The following ABCA5 variants were observed in gnomAD, a reference collection of about 807,000 sequenced individuals.
The protein encoded by ABCA5 is ATP binding cassette subfamily A member 5.
A neutral mutation model predicts 206.0 loss-of-function variants in ABCA5; 163 were observed. The ratio of observed to expected loss-of-function variants is 0.79; its 90% CI spans 0.70 to 0.90. The LOEUF (loss-of-function observed/expected upper bound fraction) is 0.90, where lower values mean the gene tolerates loss of function less well. Among genes scored for constraint, ABCA5 ranks in the 40% least tolerant of loss-of-function variants. The pLI, the probability that ABCA5 is intolerant of heterozygous loss-of-function variation, is 0.00. For synonymous variants in ABCA5, 609 were observed against 613.8 expected (o/e 0.99, Z 0.11); for missense variants, 1,859 against 1,912.9 (o/e 0.97, Z 0.53).
chr17:69,271,372 G>T, intron 20 of ABCA5, 83 bp from the exon 21 acceptor site: 1 of 1,380,286 alleles, frequency 7.2e-7, no homozygotes, highest in Non-Finnish European at 9.8e-7. Flanking sequence ...TCTATTTTTA[G>T]AGAAATATTT....
Position 69,301,415 on chromosome 17 carries a change from C to T in ABCA5, c.1120-129G>A. On this transcript the variant is annotated intron_variant, in intron 8 of 38. Coordinates refer to ENST00000392676, the MANE Select transcript of ABCA5 (RefSeq NM_172232.4). ...ACTGGGCCTTTTAATAGATTAAACA[C>T]TTGACCAAATTAATAATATAAATTT... The T allele has an allele frequency of 5.4e-6, 3 of 557,866 alleles. 1 individual carries two copies. In the Admixed American group the frequency reaches 1.2e-4, roughly 22 times the overall value. The allele number at this position is 557,866 out of a possible 1,614,324, so 34.6% of individuals were successfully genotyped here.
rs2144879852 is a variant in ABCA5 at position 69,246,487 on chromosome 17, A to C, written c.*1050T>G. ...AAATTCTGGTTCTTATTAAAAAGAA[A>C]TAGGCGCACTGCACTTACAATTCTT... On this transcript the variant is annotated 3_prime_UTR_variant, in exon 39 of 39. Coordinates refer to ENST00000392676, the MANE Select transcript of ABCA5 (RefSeq NM_172232.4). 1 of 152,098 alleles carries C rather than the reference A, an allele frequency of 6.6e-6. No homozygotes were observed. The highest frequency in any genetic ancestry group is 3.4e-3 in the Middle Eastern group (1 of 294). The allele number at this position is 152,098 out of a possible 1,614,324, so 9.4% of individuals were successfully genotyped here.
chr17:69,297,535 A>G (rs1198731643), intron 9 of ABCA5, among the ~76,000 whole-genome samples, 176 bp from the exon 10 acceptor site: 1 of 152,216 alleles, frequency 6.6e-6, no homozygotes, highest in Admixed American at 6.5e-5. Context: ...TTTGTCATTG[A>G]AAAGTAATAA....
At chr17:69,311,207 CA>C (rs371682148) in intron 3 of ABCA5, among the ~76,000 whole-genome samples, 1,685 of 143,042 alleles carry the variant, frequency 0.012, 33 homozygotes, top group African/African-American at 0.04. Flanking sequence ...AAGAAAAAGA[CA>C]AAAAAAAAAT....
At chr17:69,325,327 GT>G (rs2075890663) in intron 1 of ABCA5, among the ~76,000 whole-genome samples, 1 of 151,180 alleles carries the variant, frequency 6.6e-6, no homozygotes, top group Non-Finnish European at 1.5e-5. Context: ...AAAAATGCTA[GT>G]TGTCAATATA....
chr17:69,305,729 G>A (rs1048669432), intron 6 of ABCA5, among the ~76,000 whole-genome samples: 1 of 151,916 alleles, frequency 6.6e-6, no homozygotes, highest in Non-Finnish European at 1.5e-5. Context: ...AAATTAGTTG[G>A]GCATGACAGC....
At chr17:69,291,130 G>T in intron 12 of ABCA5, 86 bp downstream of exon 12, 1 of 731,228 alleles carries the variant, frequency 1.4e-6, no homozygotes, top group Non-Finnish European at 2.1e-6. Context: ...AGATACAGAA[G>T]TTGGTCCCAT....
At chr17:69,307,804 T>C (rs2075733526) in intron 5 of ABCA5, among the ~76,000 whole-genome samples, 1 of 152,134 alleles carries the variant, frequency 6.6e-6, no homozygotes, top group Admixed American at 6.6e-5. Context: ...TGATTCCAGC[T>C]CCATCATTAT....
chr17:69,253,980 TTATTA>T, intron 32 of ABCA5, 111 bp from the exon 33 acceptor site: 1 of 848,736 alleles, frequency 1.2e-6, no homozygotes, highest in Non-Finnish European at 1.8e-6. Flanking sequence ...TAGTCGAAGC[TTATTA>T]TAAGTAGGTA....
intron 31 of ABCA5, among the ~76,000 whole-genome samples, 161 bp downstream of exon 31, chr17:69,255,376 ATTATTT>A (rs1180850582): frequency 1.3e-5 from 2 of 152,202 alleles, no homozygotes; most frequent in African/African-American, 4.8e-5. Context: ...CACCATGCAC[ATTATTT>A]TTACAGATAA....
chr17:69,265,444 G>T (rs2075197269), intron 23 of ABCA5, among the ~76,000 whole-genome samples: 1 of 151,948 alleles, frequency 6.6e-6, no homozygotes, highest in South Asian at 2.1e-4. Context: ...ATAAATCTAA[G>T]GTGTTATTTA....
chr17:69,289,092 A>G, intron 14 of ABCA5, 85 bp downstream of exon 14: 3 of 1,325,432 alleles, frequency 2.3e-6, no homozygotes, highest in Non-Finnish European at 2.0e-6. Context: ...TAACCTTTAC[A>G]TAATGTATTA....
At chr17:69,298,257 AAGGAAGGAAGGAAGGAAGGAAGGAAGGG>A (rs1365413984) in intron 9 of ABCA5, among the ~76,000 whole-genome samples, 15 of 130,998 alleles carry the variant, frequency 1.1e-4, no homozygotes, top group African/African-American at 4.3e-4. Context: ...GGAAGGAAGG[AAGGAAGGAAGGAAGGAAGGAAGGAAGGG>A]AGGGAGGGGA....
At chr17:69,286,059 A>G (rs564468899) in intron 16 of ABCA5, 22 bp from the exon 17 acceptor site, 1 of 1,595,760 alleles carries the variant, frequency 6.3e-7, no homozygotes, top group South Asian at 1.1e-5. Context: ...CAAAAATCAC[A>G]ATTAATGATT....
intron 10 of ABCA5, among the ~76,000 whole-genome samples, chr17:69,295,290 C>T (rs1188961342): frequency 6.6e-6 from 1 of 152,162 alleles, no homozygotes; most frequent in African/African-American, 2.4e-5. Flanking sequence ...TGACCTTTCT[C>T]TGCTTCTTGA....
In ABCA5 at chr17:69,313,112, G is replaced by A. The variant is rs1460091945; in HGVS notation, c.287C>T (p.Ser96Phe). The change falls in exon 3 of 39, where the codon TCT (serine) becomes TTT (phenylalanine). Residue 96 changes from serine (S) to phenylalanine (F), a missense_variant. Transcript: ENST00000392676. ...AATACCATCAGGTAGATGATCAGTA[G>A]ACACTTTCTGCATGATGCTGCTTGT... ...NITSSIMQKV[S>F]TDHLPDVIIT... 8.1e-6 allele frequency: 13 copies of A among 1,608,870 alleles called. No individual in the cohort carries two copies. Among genetic ancestry groups the A allele is most frequent in the Non-Finnish European group, 1.1e-5 (13 of 1,177,244 alleles).
intron 19 of ABCA5, among the ~76,000 whole-genome samples, chr17:69,274,839 CTTTTTTTTT>C (rs3052556): frequency 2.3e-5 from 2 of 85,754 alleles, no homozygotes; most frequent in African/African-American, 4.4e-5. Context: ...TAACCATTTA[CTTTTTTTTT>C]TTTTTTTTTT....
intron 18 of ABCA5, among the ~76,000 whole-genome samples, chr17:69,280,007 A>G (rs929206464): frequency 4.7e-4 from 71 of 152,268 alleles, no homozygotes; most frequent in African/African-American, 1.3e-3. Flanking sequence ...CAAAAGCAAT[A>G]GCAACAAAAG....
chr17:69,279,065 G>A (rs1020067664), intron 18 of ABCA5, among the ~76,000 whole-genome samples: 63 of 151,068 alleles, frequency 4.2e-4, no homozygotes, highest in Admixed American at 1.7e-3. Context: ...GAAATAAAGG[G>A]TATTCAATTA....
Sources: gnomAD v4.1 joint callset for allele counts (sites outside exome capture counted in the v4.1 genomes callset) on GRCh38, gnomAD v4.1.1 for gene constraint, MANE v1.5 for transcripts, NCBI Gene and HGNC (gene_info 2026-07-23, HGNC 2026-07-21) for gene names.